The following DYRK1A variants were observed in gnomAD, a reference collection of about 807,000 sequenced individuals.
DYRK1A encodes the protein dual specificity tyrosine phosphorylation regulated kinase 1A, also known as dual specificity tyrosine-phosphorylation-regulated kinase 1A.
In DYRK1A, 9 loss-of-function variants were observed where a neutral mutation model predicts 79.7. The ratio of observed to expected loss-of-function variants is 0.11; its 90% CI spans 0.07 to 0.20. The LOEUF is 0.20. Ranked by LOEUF, DYRK1A falls within the 10% of genes least tolerant of loss-of-function variation. DYRK1A has a pLI of 1.00. For synonymous variants in DYRK1A, 349 were observed against 329.7 expected (o/e 1.06, Z -0.63); for missense variants, 622 against 956.0 (o/e 0.65, Z 4.61).
chr21:37,451,581 G>A (rs1420973427), intron 2 of DYRK1A, among the ~76,000 whole-genome samples: 1 of 150,322 alleles, frequency 6.7e-6, no homozygotes, highest in African/African-American at 2.5e-5. Context: ...GCGTGGGCGT[G>A]CAGTAGGCTC....
intron 1 of DYRK1A, among the ~76,000 whole-genome samples, chr21:37,407,892 T>G (rs1256728819): frequency 1.3e-5 from 2 of 152,214 alleles, no homozygotes; most frequent in Non-Finnish European, 2.9e-5. Flanking sequence ...CTATGAAGTT[T>G]GACCTGTGTC....
chr21:37,512,875 T>G lies in DYRK1A; in HGVS notation c.*344T>G, dbSNP rs1395510538. 2 of 225,912 alleles carry G rather than the reference T, an allele frequency of 8.9e-6. No homozygotes were observed. Among genetic ancestry groups the G allele is most frequent in the Admixed American group, 5.0e-5 (1 of 19,902 alleles). The allele number at this position is 225,912 out of a possible 1,614,324, so 14.0% of individuals were successfully genotyped here. A position where few individuals can be genotyped will look rare whatever the true frequency, so the allele number is the denominator to read the frequency against. On this transcript the variant is annotated 3_prime_UTR_variant, in exon 12 of 12. Coordinates refer to ENST00000647188, the MANE Select transcript of DYRK1A (RefSeq NM_001347721.2). ...GTCTTGGTCATTTGCCAACTAATTT[T>G]AAAGTAAAAGGCACTGCACATAATT...
Position 37,512,579 on chromosome 21 carries a change from T to G in DYRK1A, c.*48T>G, listed in dbSNP as rs1489199833. The G allele has an allele frequency of 1.9e-6, 3 of 1,580,606 alleles. No individual in the cohort carries two copies. The highest frequency in any genetic ancestry group is 1.2e-5 in the South Asian group (1 of 86,180). ...TTCTTGTGTGTTTTTATAGAAGTGG[T>G]GTTTTTTTTCCAAAAACAAAGTGCA... On this transcript the variant is annotated 3_prime_UTR_variant, in exon 12 of 12. Transcript: ENST00000647188.
chr21:37,382,675 A>G (rs1380245520), intron 1 of DYRK1A, among the ~76,000 whole-genome samples: 1 of 152,222 alleles, frequency 6.6e-6, no homozygotes, highest in Non-Finnish European at 1.5e-5. Flanking sequence ...ATTTAGTAAC[A>G]GTAACAATAG....
chr21:37,394,023 C>G (rs899672800), intron 1 of DYRK1A, among the ~76,000 whole-genome samples: 1 of 148,806 alleles, frequency 6.7e-6, no homozygotes, highest in African/African-American at 2.4e-5. Context: ...TCAGGGGGTT[C>G]GGGGTGGGGT....
At chr21:37,464,688 T>A (rs1182161940) in intron 2 of DYRK1A, among the ~76,000 whole-genome samples, 1 of 152,196 alleles carries the variant, frequency 6.6e-6, no homozygotes, top group East Asian at 1.9e-4. Flanking sequence ...TATAATACGG[T>A]AGATAGTAGG....
At chr21:37,410,807 G>A (rs1469918064) in intron 1 of DYRK1A, 1 of 152,210 alleles carries the variant, frequency 6.6e-6, no homozygotes, top group Non-Finnish European at 1.5e-5. Context: ...CAGTACTCTG[G>A]GAGGTCACAG....
intron 1 of DYRK1A, among the ~76,000 whole-genome samples, chr21:37,417,130 G>A (rs1364838556): frequency 6.6e-6 from 1 of 152,134 alleles, no homozygotes; most frequent in African/African-American, 2.4e-5. Context: ...GAACTTGCCT[G>A]TCATGCTGAT....
intron 7 of DYRK1A, among the ~76,000 whole-genome samples, chr21:37,491,370 C>T (rs976261012): frequency 6.6e-6 from 1 of 152,028 alleles, no homozygotes; most frequent in African/African-American, 2.4e-5. Flanking sequence ...ATTCTTTTTG[C>T]TTTAAGTATT....
chr21:37,383,706 G>T (rs2049704079), intron 1 of DYRK1A, among the ~76,000 whole-genome samples: 1 of 152,136 alleles, frequency 6.6e-6, no homozygotes, highest in South Asian at 2.1e-4. Flanking sequence ...GATTGACAAG[G>T]TCCCTGCACT....
At chr21:37,505,960 T>C in intron 10 of DYRK1A, 139 bp from the exon 11 acceptor site, 1 of 1,091,182 alleles carries the variant, frequency 9.2e-7, no homozygotes, top group Non-Finnish European at 1.3e-6. Flanking sequence ...CTTTGTGATA[T>C]ACTTTCAAGT....
At chr21:37,413,318 T>G (rs2050276566) in intron 1 of DYRK1A, among the ~76,000 whole-genome samples, 1 of 152,198 alleles carries the variant, frequency 6.6e-6, no homozygotes. Context: ...TAAAATGATA[T>G]ATAATTACAT....
At chr21:37,394,667 G>A (rs1337816829) in intron 1 of DYRK1A, among the ~76,000 whole-genome samples, 3 of 152,168 alleles carry the variant, frequency 2.0e-5, no homozygotes, top group Admixed American at 6.5e-5. Flanking sequence ...GATCTAGGTT[G>A]CATGCTCCTT....
chr21:37,375,827 C>T (rs1206828995), intron 1 of DYRK1A, among the ~76,000 whole-genome samples: 7 of 151,912 alleles, frequency 4.6e-5, no homozygotes, highest in Non-Finnish European at 8.8e-5. Context: ...ATATTCTTTA[C>T]CTGTTATGAG....
In DYRK1A at chr21:37,515,113, G is replaced by T. The variant is rs983614055; in HGVS notation, c.*2582G>T. ...TATATTGTAACGTTAAATGAAAAAA[G>T]AACCCCCCTTTGTATTATAGTCATG... On this transcript the variant is annotated 3_prime_UTR_variant, in exon 12 of 12. Coordinates refer to ENST00000647188, the MANE Select transcript of DYRK1A (RefSeq NM_001347721.2). 3 of 152,554 alleles carry T rather than the reference G, an allele frequency of 2.0e-5. No homozygotes were observed. Among genetic ancestry groups the T allele is most frequent in the Admixed American group, 6.6e-5 (1 of 15,266 alleles). The allele number at this position is 152,554 out of a possible 1,614,324, so 9.5% of individuals were successfully genotyped here.
chr21:37,370,289 CTT>C (rs777551450), intron 1 of DYRK1A, among the ~76,000 whole-genome samples: 2 of 140,344 alleles, frequency 1.4e-5, no homozygotes, highest in African/African-American at 2.6e-5. Context: ...ACTTGAAAAC[CTT>C]TTTTTTTTTT....
chr21:37,457,723 T>C (rs2051699280), intron 2 of DYRK1A, among the ~76,000 whole-genome samples: 1 of 152,208 alleles, frequency 6.6e-6, no homozygotes, highest in Non-Finnish European at 1.5e-5. Context: ...TTAACTAGAC[T>C]TAAAAATATC....
intron 1 of DYRK1A, among the ~76,000 whole-genome samples, chr21:37,392,891 C>T (rs763580537): frequency 3.3e-5 from 5 of 152,212 alleles, no homozygotes; most frequent in African/African-American, 7.2e-5. Context: ...GCGTTTCAAA[C>T]GCTGCACCCT....
Position 37,490,324 on chromosome 21 carries a change from G to T in DYRK1A, c.787G>T (p.Ala263Ser), listed in dbSNP as rs1385723072. ...AAAGTTTGCGCAACAGATGTGCACT[G>T]CACTGCTTTTCCTTGCGACTCCAGA... ...TRKFAQQMCT[A>S]LLFLATPELS... is the part of the protein sequence containing the mutation. The change falls in exon 7 of 12, where the codon GCA becomes TCA. Residue 263 changes from alanine (A) to serine (S), a missense_variant. Around this residue, in one of 5 missense-constraint regions of DYRK1A, gnomAD observed 138 missense variants for 346.4 expected, o/e 0.40. Transcript: ENST00000647188. 1 of 1,613,630 alleles carries T rather than the reference G, an allele frequency of 6.2e-7. No homozygotes were observed. The highest frequency in any genetic ancestry group is 1.3e-5 in the African/African-American group (1 of 74,868).
Sources: allele counts gnomAD v4.1 joint callset (sites outside exome capture counted in the v4.1 genomes callset), GRCh38; gene constraint gnomAD v4.1.1; regional missense constraint gnomAD v4.1.1; transcripts MANE v1.5; gene names NCBI Gene and HGNC (gene_info 2026-07-23, HGNC 2026-07-21).